Variants in ADAMTS3 observed in about 807,000 individuals in gnomAD.
ADAMTS3 encodes A disintegrin and metalloproteinase with thrombospondin motifs 3.
In ADAMTS3, 73 loss-of-function variants were observed where a neutral mutation model predicts 129.0. The observed-to-expected ratio is 0.57, with a 90% confidence interval of 0.47 to 0.69. ADAMTS3 has a LOEUF of 0.69. ADAMTS3 is among the 30% of genes least tolerant of loss of function. The pLI is 0.00. For synonymous variants in ADAMTS3, 477 were observed against 510.8 expected, an observed-to-expected ratio of 0.93 and a Z score of 0.89; for missense variants, 1,457 against 1,514.5, an observed-to-expected ratio of 0.96 and a Z score of 0.63.
chr4:72,373,514 A>C (rs2109869845), intron 4 of ADAMTS3, among the ~76,000 whole-genome samples: 1 of 152,354 alleles, frequency 6.6e-6, no homozygotes, highest in Admixed American at 6.5e-5. Context: ...TGATTGAAAA[A>C]GAAACAGACA....
At chr4:72,551,000 C>T (rs918634147) in intron 2 of ADAMTS3, among the ~76,000 whole-genome samples, 5 of 152,002 alleles carry the variant, frequency 3.3e-5, no homozygotes, top group South Asian at 2.1e-4. Flanking sequence ...TTAGTAATAC[C>T]GGTAACCAGA....
intron 3 of ADAMTS3, among the ~76,000 whole-genome samples, chr4:72,500,932 G>C (rs745772062): frequency 6.6e-6 from 1 of 152,034 alleles, no homozygotes; most frequent in Admixed American, 6.6e-5. Flanking sequence ...TAGGCATGTG[G>C]CTTTATTTCT....
At chr4:72,384,690 G>A (rs1460141600) in intron 4 of ADAMTS3, among the ~76,000 whole-genome samples, 2 of 152,092 alleles carry the variant, frequency 1.3e-5, no homozygotes, top group Admixed American at 6.5e-5. Context: ...TGGGCTGAAG[G>A]AAAATGATAC....
intron 3 of ADAMTS3, among the ~76,000 whole-genome samples, chr4:72,514,333 T>C (rs147507636): frequency 5.2e-4 from 79 of 152,314 alleles, no homozygotes; most frequent in African/African-American, 1.8e-3. Context: ...CTTCTCTCAC[T>C]ACAGTTTTTA....
chr4:72,536,349 G>A (rs1721185425), intron 3 of ADAMTS3, among the ~76,000 whole-genome samples: 1 of 152,106 alleles, frequency 6.6e-6, no homozygotes, highest in East Asian at 1.9e-4. Context: ...AAAATTACAA[G>A]GATTTTCACC....
intron 5 of ADAMTS3, among the ~76,000 whole-genome samples, chr4:72,333,650 A>AAGATGCTTG (rs1719908111): frequency 6.6e-6 from 1 of 152,006 alleles, no homozygotes; most frequent in African/African-American, 2.4e-5. Flanking sequence ...TATGACCTGA[A>AAGATGCTTG]AGATGCTTGC....
intron 10 of ADAMTS3, among the ~76,000 whole-genome samples, chr4:72,317,509 G>T (rs913189199): frequency 6.6e-6 from 1 of 150,520 alleles, no homozygotes; most frequent in African/African-American, 2.4e-5. Flanking sequence ...AGACCAATGT[G>T]GAAATTTAAT....
At chr4:72,308,747 A>C (rs999551310) in intron 15 of ADAMTS3, among the ~76,000 whole-genome samples, 1 of 151,824 alleles carries the variant, frequency 6.6e-6, no homozygotes, top group African/African-American at 2.4e-5. Context: ...TGATGCATGA[A>C]GACAGCTTTT....
rs769686749 is a variant in ADAMTS3, at chr4:72,309,536, G to A, written c.2056-16C>T. 2 of 1,610,240 alleles carry A rather than the reference G, an allele frequency of 1.2e-6. No homozygotes were observed. The highest frequency in any genetic ancestry group is 1.7e-5 in the Admixed American group (1 of 59,846). ...AGCCCACTTTCTGGAGAGAGAAGAT[G>A]TCAAATGTGGCTAATTTTAGTGTGC... On this transcript the variant is annotated splice_polypyrimidine_tract_variant and intron_variant, in intron 14 of 21. Transcript: ENST00000286657.
At chr4:72,323,586 G>A (rs1719621826) in intron 5 of ADAMTS3, among the ~76,000 whole-genome samples, 1 of 152,106 alleles carries the variant, frequency 6.6e-6, no homozygotes, top group African/African-American at 2.4e-5. Context: ...CTGTGGTAGT[G>A]TATCTGAGGG....
At chr4:72,492,345 GT>G (rs980970029) in intron 3 of ADAMTS3, among the ~76,000 whole-genome samples, 9 of 145,358 alleles carry the variant, frequency 6.2e-5, no homozygotes, top group South Asian at 2.2e-4. Flanking sequence ...GAGGTGCAAA[GT>G]TTTTTTTTTC....
At chr4:72,562,969 C>T (rs981159627) in intron 2 of ADAMTS3, among the ~76,000 whole-genome samples, 4 of 152,126 alleles carry the variant, frequency 2.6e-5, no homozygotes, top group African/African-American at 9.7e-5. Flanking sequence ...ATCAAAATTA[C>T]TCATGATTTT....
At chr4:72,324,358 C>A (rs1421369175) in intron 5 of ADAMTS3, among the ~76,000 whole-genome samples, 2 of 152,090 alleles carry the variant, frequency 1.3e-5, no homozygotes, top group African/African-American at 2.4e-5. Flanking sequence ...CTGCACAGAA[C>A]ACCTTTAAAA....
At chr4:72,383,576 C>T (rs1035956249) in intron 4 of ADAMTS3, among the ~76,000 whole-genome samples, 44 of 152,152 alleles carry the variant, frequency 2.9e-4, no homozygotes, top group African/African-American at 9.9e-4. Flanking sequence ...CTGGCTGACC[C>T]CTGAACTATA....
chr4:72,298,376 CAG>C lies in ADAMTS3; in HGVS notation c.2489_2490del (p.Ser830CysfsTer18), dbSNP rs1578560690. On this transcript the variant is annotated frameshift_variant, in exon 18 of 22. Coordinates refer to ENST00000286657, the MANE Select transcript of ADAMTS3 (RefSeq NM_014243.3). LOFTEE classifies it high-confidence loss of function. ...LTYKYIIHED[S>X]VPTINSNNVI... Reference sequence around the variant, plus strand: ...ACATTGTTGCTGTTGATTGTAGGTACAGAGTCTTCATGGATGATGTACTTATA... The same window carrying C: ...ACATTGTTGCTGTTGATTGTAGGTACAGTCTTCATGGATGATGTACTTATA... The C allele has an allele frequency of 6.2e-7, 1 of 1,613,064 alleles. No homozygotes were observed. Among genetic ancestry groups the C allele is most frequent in the Non-Finnish European group, 8.5e-7 (1 of 1,179,280 alleles).
chr4:72,338,720 A>G lies in ADAMTS3; in HGVS notation c.861+774T>C, dbSNP rs1054598212. ...TAGGTAATAAATTTGCAAGATCAAT[A>G]TAATATATATTTCATATTGGCATGA... On this transcript the variant is annotated intron_variant, in intron 5 of 21. Coordinates refer to ENST00000286657, the MANE Select transcript of ADAMTS3 (RefSeq NM_014243.3). 1.7e-4 allele frequency among the ~76,000 whole-genome samples: 26 copies of G among 152,270 alleles called. 1 individual carries two copies. Among genetic ancestry groups the G allele is most frequent in the Admixed American group, 1.2e-3 (18 of 15,284 alleles).
At chr4:72,317,469 C>CTT (rs71215421) in intron 10 of ADAMTS3, among the ~76,000 whole-genome samples, 4 of 137,632 alleles carry the variant, frequency 2.9e-5, no homozygotes, top group Admixed American at 7.4e-5. Context: ...AAAAGGCCTT[C>CTT]TTTTTTTTTT....
chr4:72,339,490 T>C lies in ADAMTS3; in HGVS notation c.861+4A>G. 5.6e-6 allele frequency: 9 copies of C among 1,613,674 alleles called. No homozygotes were observed. The highest frequency in any genetic ancestry group is 5.9e-6 in the Non-Finnish European group (7 of 1,179,668). Reference sequence around the variant, plus strand: ...AAAAGCTTTAAAAAGGAGTCACTACTCACAATGTTCATTAGGGTCAGGAGG... The same window carrying C: ...AAAAGCTTTAAAAAGGAGTCACTACCCACAATGTTCATTAGGGTCAGGAGG... On this transcript the variant is annotated splice_donor_region_variant and intron_variant, in intron 5 of 21. Transcript: ENST00000286657.
intron 3 of ADAMTS3, among the ~76,000 whole-genome samples, chr4:72,480,463 C>A (rs1424100190): frequency 6.6e-6 from 1 of 151,814 alleles, no homozygotes; most frequent in Non-Finnish European, 1.5e-5. Context: ...CCAAACACCA[C>A]ATGTTCTCAA....
Sources: gnomAD v4.1 joint callset for allele counts (sites outside exome capture counted in the v4.1 genomes callset) on GRCh38, gnomAD v4.1.1 for gene constraint, MANE v1.5 for transcripts, NCBI Gene and HGNC (gene_info 2026-07-23, HGNC 2026-07-21) for gene names.